Variants in CDH26 observed in about 807,000 individuals in gnomAD.
CDH26 encodes the protein cadherin-like protein 26.
Under a neutral mutation model 90.3 loss-of-function variants are expected in CDH26, and 83 were observed. The ratio of observed to expected loss-of-function variants is 0.92; its 90% CI spans 0.77 to 1.10. The LOEUF (loss-of-function observed/expected upper bound fraction) is 1.10, where lower values mean the gene tolerates loss of function less well. Among genes scored for constraint, CDH26 ranks in the 50% least tolerant of loss-of-function variants. The pLI, the probability that CDH26 is intolerant of heterozygous loss-of-function variation, is 0.00. For missense variants in CDH26, 1,013 were observed against 1,037.6 expected (o/e 0.98, Z 0.33); for synonymous variants, 397 against 396.3 (o/e 1.00, Z -0.02).
intron 4 of CDH26, among the ~76,000 whole-genome samples, chr20:59,974,877 G>T (rs1009898066): frequency 2.6e-5 from 4 of 152,022 alleles, no homozygotes; most frequent in African/African-American, 9.7e-5. Context: ...TTAATTATCT[G>T]TTGATAGTTG....
intron 7 of CDH26, among the ~76,000 whole-genome samples, chr20:60,022,208 G>A (rs2061964099): frequency 6.6e-6 from 1 of 152,048 alleles, no homozygotes; most frequent in African/African-American, 2.4e-5. Context: ...TTCCTAGCTT[G>A]TAATGGAATT....
At chr20:60,034,025 A>G (rs921474843), downstream of CDH26, 6 of 169,864 alleles carry the variant, frequency 3.5e-5, no homozygotes, top group Admixed American at 1.8e-4. Context: ...CCATGATATC[A>G]TATATCCTAT....
At chr20:59,973,567 G>A (rs1264591351) in intron 4 of CDH26, among the ~76,000 whole-genome samples, 3 of 152,030 alleles carry the variant, frequency 2.0e-5, no homozygotes, top group African/African-American at 7.2e-5. Flanking sequence ...CCCTCTGAGA[G>A]ACTCCAGTGT....
intron 15 of CDH26, 63 bp downstream of exon 15, chr20:60,001,474 C>T: frequency 6.3e-7 from 1 of 1,581,372 alleles, no homozygotes; most frequent in South Asian, 1.1e-5. Flanking sequence ...GTTGGTCCCC[C>T]TGAGAGAGGG....
At chr20:60,025,962 C>A (rs1358622628) in intron 7 of CDH26, among the ~76,000 whole-genome samples, 1 of 152,164 alleles carries the variant, frequency 6.6e-6, no homozygotes, top group Non-Finnish European at 1.5e-5. Context: ...CCGAAATGGA[C>A]CTTATGTGCT....
chr20:60,033,816 A>C lies in CDH26; in HGVS notation c.*140A>C. The C allele has an allele frequency of 4.6e-6, 4 of 862,896 alleles. No individual in the cohort carries two copies. In the African/African-American group the frequency reaches 6.7e-5, roughly 14 times the overall value. 53.5% of individuals were successfully genotyped at this position (862,896 alleles called of 1,614,324 possible). A position where few individuals can be genotyped will look rare whatever the true frequency, so the allele number is the denominator to read the frequency against. Reference sequence around the variant, plus strand: ...GTGTGTGTGTGTGTGATCATGAAGAAGAAATAATGTGCAAAGCCCTGGTCA... The same window carrying C: ...GTGTGTGTGTGTGTGATCATGAAGACGAAATAATGTGCAAAGCCCTGGTCA... On this transcript the variant is annotated 3_prime_UTR_variant, in exon 9 of 9. Transcript: ENST00000370991.
At chr20:60,023,604 A>G (rs574298285) in intron 7 of CDH26, among the ~76,000 whole-genome samples, 35 of 152,124 alleles carry the variant, frequency 2.3e-4, no homozygotes, top group Middle Eastern at 3.4e-3. Context: ...CACTGCTTTT[A>G]GCAATGTTCT....
In CDH26 at chr20:59,974,838, A is replaced by G. The variant is rs181558091; in HGVS notation, c.393+2715A>G. On this transcript the variant is annotated intron_variant, in intron 4 of 17. Transcript: ENST00000348616. ...CCTGTTTTATTTTCTCCTCAACACC[A>G]CTCATCACCTGAAATGTGAATTTTG... is the stretch of plus-strand genomic sequence containing the variant. Among the ~76,000 whole-genome samples, 403 of 151,694 alleles carry G rather than the reference A, an allele frequency of 2.7e-3. 2 individuals carry two copies. The highest frequency in any genetic ancestry group is 5.0e-3 in the Non-Finnish European group (340 of 67,896).
Position 59,969,002 on chromosome 20 carries a change from T to A in CDH26, c.105T>A (p.Asp35Glu), listed in dbSNP as rs1461567522. The A allele has an allele frequency of 6.3e-7, 1 of 1,592,940 alleles. No homozygotes were observed. The highest frequency in any genetic ancestry group is 8.6e-7 in the Non-Finnish European group (1 of 1,161,786). Residue 35 changes from aspartate to glutamate, a missense_variant, in exon 2 of 18, where the codon GAT becomes GAA. Transcript: ENST00000348616. ...TTGACAGTGTTCAACAGGAAACAGA[T>A]GATCTTACTAAGCAAACAAAGGTGA... ...SIIDSVQQETDDLTKQTKEKI... is the reference protein window; with the variant it reads ...SIIDSVQQETEDLTKQTKEKI...
chr20:59,992,344 T>G lies in CDH26; in HGVS notation c.1284-34T>G. The G allele has an allele frequency of 6.3e-7, 1 of 1,590,882 alleles. No homozygotes were observed. The highest frequency in any genetic ancestry group is 8.5e-7 in the Non-Finnish European group (1 of 1,171,646). ...TTTATCTTTTAATGTAAGTTTTTAA[T>G]TTTAAAAATTGCTGTCCGTTTTCCT... On this transcript the variant is annotated intron_variant, in intron 9 of 17. Coordinates refer to ENST00000348616, the MANE Select transcript of CDH26 (RefSeq NM_177980.4). The surrounding 1 kb of genome is among the most constrained non-coding windows in gnomAD (Gnocchi z 5.0).
chr20:60,015,422 A>T (rs1163841404), downstream of CDH26, among the ~76,000 whole-genome samples: 1 of 151,908 alleles, frequency 6.6e-6, no homozygotes, highest in Non-Finnish European at 1.5e-5. Context: ...TGGCCATTTT[A>T]TGTCTTTTGA....
chr20:59,962,466 G>T (rs372468430), intron 1 of CDH26, among the ~76,000 whole-genome samples: 1 of 152,150 alleles, frequency 6.6e-6, no homozygotes, highest in African/African-American at 2.4e-5. Flanking sequence ...CGTCACTCCA[G>T]TCTCTGCCCC....
chr20:59,998,056 A>G (rs1370006315), intron 13 of CDH26, among the ~76,000 whole-genome samples: 1 of 152,254 alleles, frequency 6.6e-6, no homozygotes, highest in Non-Finnish European at 1.5e-5. Flanking sequence ...CCTGGAAGGA[A>G]TCTCCGCATC....
At chr20:59,971,812 C>G in intron 3 of CDH26, 150 bp from the exon 4 acceptor site, 1 of 605,178 alleles carries the variant, frequency 1.7e-6, no homozygotes. Flanking sequence ...GTTCCTGCAT[C>G]TCAGCCCATC....
At chr20:60,029,310 C>T (rs1301772288) in intron 7 of CDH26, among the ~76,000 whole-genome samples, 4 of 152,100 alleles carry the variant, frequency 2.6e-5, no homozygotes, top group Non-Finnish European at 4.4e-5. Flanking sequence ...AACGTAGCAT[C>T]TATAGTCAAC....
At chr20:60,024,011 C>G (rs1282997669) in intron 7 of CDH26, among the ~76,000 whole-genome samples, 4 of 150,480 alleles carry the variant, frequency 2.7e-5, no homozygotes, top group African/African-American at 9.8e-5. Context: ...GCATGGAGGC[C>G]CATAAGGAAA....
At chr20:59,980,815 G>C (rs1454039285) in intron 4 of CDH26, among the ~76,000 whole-genome samples, 3 of 151,912 alleles carry the variant, frequency 2.0e-5, no homozygotes, top group African/African-American at 7.3e-5. Context: ...CATGTTTTTG[G>C]TGGTGTTATC....
chr20:60,012,773 G>T lies in CDH26; in HGVS notation c.*43G>T. 1 of 1,581,330 alleles carries T rather than the reference G, an allele frequency of 6.3e-7. No individual in the cohort carries two copies. Among genetic ancestry groups the T allele is most frequent in the Non-Finnish European group, 8.7e-7 (1 of 1,154,708 alleles). On this transcript the variant is annotated 3_prime_UTR_variant, in exon 18 of 18. Coordinates refer to ENST00000348616, the MANE Select transcript of CDH26 (RefSeq NM_177980.4). ...GGAGAATTGAAATAATTCATGGAAGGGAATCACTATTCAGGGATTTTTCCC... is the reference window on the plus strand; with the variant it reads ...GGAGAATTGAAATAATTCATGGAAGTGAATCACTATTCAGGGATTTTTCCC...
Position 60,026,043 on chromosome 20 carries a change from C to T in CDH26, c.948-5188C>T, listed in dbSNP as rs564690508. 2.6e-5 allele frequency among the ~76,000 whole-genome samples: 4 copies of T among 152,244 alleles called. No individual in the cohort carries two copies. In the South Asian group the frequency reaches 6.2e-4, roughly 24 times the overall value. ...GAGCCCAGAGCCAGGCACCAGGCCT[C>T]ACTGGGATGCATGGCCCGAAAAAGG... On this transcript the variant is annotated intron_variant, in intron 7 of 8. Transcript: ENST00000370991.
Sources: gnomAD v4.1 joint callset for allele counts (sites outside exome capture counted in the v4.1 genomes callset) on GRCh38, gnomAD v4.1.1 for gene constraint, Gnocchi (gnomAD v3.1) non-coding constraint, MANE v1.5 for transcripts, NCBI Gene and HGNC (gene_info 2026-07-23, HGNC 2026-07-21) for gene names.